Variants in FOXP1 observed in about 807,000 individuals in gnomAD.
FOXP1 encodes the protein forkhead box protein P1.
FOXP1 carries 15 observed loss-of-function variants against 98.2 expected under a neutral mutation model. The ratio of observed to expected loss-of-function variants is 0.15; its 90% CI spans 0.10 to 0.24. The LOEUF is 0.24. Ranked by LOEUF, FOXP1 falls within the 10% of genes least tolerant of loss-of-function variation. The pLI, the probability that FOXP1 is intolerant of heterozygous loss-of-function variation, is 1.00. For synonymous variants in FOXP1, 371 were observed against 314.5 expected (o/e 1.18, Z -1.90); for missense variants, 633 against 848.5 (o/e 0.75, Z 3.15).
intron 19 of FOXP1, chr3:70,969,706 C>G (rs559627399): frequency 6.6e-6 from 1 of 152,234 alleles, no homozygotes; most frequent in Admixed American, 6.5e-5. Context: ...CATATTTGCT[C>G]AAGTATTATG....
chr3:71,581,904 C>T lies in FOXP1; in HGVS notation c.-446-207G>A, dbSNP rs749231260. ...GGATCCAGAGACCGGGAAATCGGCC[C>T]GAGCCAAAGTCTCAGCACCTTCCCC... On this transcript the variant is annotated intron_variant, in intron 1 of 20. Transcript: ENST00000649528. The T allele has an allele frequency of 8.5e-5, 84 of 983,676 alleles. No homozygotes were observed. In the Middle Eastern group the frequency reaches 6.8e-3, roughly 80 times the overall value. 60.9% of individuals were successfully genotyped at this position (983,676 alleles called of 1,614,324 possible). A position where few individuals can be genotyped will look rare whatever the true frequency, so the allele number is the denominator to read the frequency against.
At chr3:71,037,305 C>T (rs2047723186) in intron 11 of FOXP1, among the ~76,000 whole-genome samples, 2 of 152,170 alleles carry the variant, frequency 1.3e-5, no homozygotes, top group Admixed American at 1.3e-4. Flanking sequence ...ATTTACATAG[C>T]TGCTTTGATC....
intron 3 of FOXP1, among the ~76,000 whole-genome samples, chr3:71,428,159 A>G (rs1032502903): frequency 7.9e-5 from 12 of 152,198 alleles, no homozygotes; most frequent in African/African-American, 2.7e-4. Context: ...AGACTGTCCC[A>G]TCTACATTCA....
intron 2 of FOXP1, chr3:71,572,780 G>C (rs76975241): frequency 6.6e-6 from 1 of 152,300 alleles, no homozygotes; most frequent in African/African-American, 2.4e-5. Flanking sequence ...CTTAAGCCGG[G>C]CTACAGGTAC....
intron 2 of FOXP1, among the ~76,000 whole-genome samples, chr3:71,544,454 G>A (rs2045190763): frequency 6.6e-6 from 1 of 151,480 alleles, no homozygotes; most frequent in Non-Finnish European, 1.5e-5. Context: ...GCTGATCGTG[G>A]AAGTACTACA....
intron 11 of FOXP1, among the ~76,000 whole-genome samples, chr3:71,036,545 G>C (rs2047618986): frequency 6.6e-6 from 1 of 152,170 alleles, no homozygotes; most frequent in Non-Finnish European, 1.5e-5. Context: ...GAGAAAAAAG[G>C]GAATATTTCT....
chr3:71,231,833 C>T (rs1171618747), intron 5 of FOXP1, among the ~76,000 whole-genome samples: 1 of 152,166 alleles, frequency 6.6e-6, no homozygotes, highest in Non-Finnish European at 1.5e-5. Context: ...GACCTAGATT[C>T]CTAGAAATTT....
chr3:71,131,709 G>A (rs1378655786), intron 6 of FOXP1, among the ~76,000 whole-genome samples: 2 of 152,210 alleles, frequency 1.3e-5, no homozygotes, highest in African/African-American at 2.4e-5. Flanking sequence ...AAATCCAGAC[G>A]CTGAAGATAA....
intron 7 of FOXP1, among the ~76,000 whole-genome samples, chr3:71,058,218 CTCTT>C (rs1466134513): frequency 6.6e-6 from 1 of 152,084 alleles, no homozygotes; most frequent in Non-Finnish European, 1.5e-5. Context: ...ATTTTCTTCT[CTCTT>C]CAGTTTACAC....
intron 5 of FOXP1, among the ~76,000 whole-genome samples, chr3:71,240,058 A>G (rs1010091469): frequency 6.6e-6 from 1 of 152,254 alleles, no homozygotes; most frequent in South Asian, 2.1e-4. Flanking sequence ...AGACTTTCAC[A>G]GTCCCAAGAA....
chr3:71,307,006 T>C (rs1296128729), intron 4 of FOXP1, among the ~76,000 whole-genome samples: 5 of 152,232 alleles, frequency 3.3e-5, no homozygotes, highest in Admixed American at 6.5e-5. Flanking sequence ...CAACTCACAC[T>C]GACCTCTTAT....
At chr3:71,525,866 A>G (rs1353389280) in intron 2 of FOXP1, among the ~76,000 whole-genome samples, 1 of 152,106 alleles carries the variant, frequency 6.6e-6, no homozygotes, top group African/African-American at 2.4e-5. Flanking sequence ...TTGTAATCCT[A>G]ACACTTTGGG....
At chr3:71,343,934 T>C (rs2077166719) in intron 4 of FOXP1, among the ~76,000 whole-genome samples, 1 of 152,194 alleles carries the variant, frequency 6.6e-6, no homozygotes, top group African/African-American at 2.4e-5. Context: ...GCAGGACTCT[T>C]TAAGAGCCGG....
chr3:70,971,898 C>A, intron 18 of FOXP1: 1 of 781,748 alleles, frequency 1.3e-6, no homozygotes, highest in Non-Finnish European at 1.8e-6. Flanking sequence ...AGTTTCGTTG[C>A]AGAAAGCTGT....
At chr3:71,155,883 C>T (rs2108097157) in intron 6 of FOXP1, among the ~76,000 whole-genome samples, 1 of 152,334 alleles carries the variant, frequency 6.6e-6, no homozygotes, top group South Asian at 2.1e-4. Flanking sequence ...CAAGACAGCC[C>T]CGCAGTGCAG....
intron 3 of FOXP1, among the ~76,000 whole-genome samples, chr3:71,361,787 G>A (rs2107915956): frequency 6.6e-6 from 1 of 152,288 alleles, no homozygotes; most frequent in Non-Finnish European, 1.5e-5. Context: ...GAGCCCTCAT[G>A]TTTATTTTCA....
At chr3:71,328,770 C>T (rs2076080363) in intron 4 of FOXP1, among the ~76,000 whole-genome samples, 1 of 151,996 alleles carries the variant, frequency 6.6e-6, no homozygotes, top group African/African-American at 2.4e-5. Context: ...GTTGGGAGTT[C>T]AAGACCAGCC....
intron 3 of FOXP1, among the ~76,000 whole-genome samples, chr3:71,463,140 A>T (rs2088312830): frequency 6.6e-6 from 1 of 152,078 alleles, no homozygotes; most frequent in African/African-American, 2.4e-5. Flanking sequence ...AGGCAGGCAG[A>T]TTGCTTAAGG....
chr3:71,073,408 C>A (rs948454461), intron 7 of FOXP1, among the ~76,000 whole-genome samples: 12 of 152,194 alleles, frequency 7.9e-5, no homozygotes, highest in Admixed American at 7.9e-4. Flanking sequence ...CAACAGCAAT[C>A]CCCCTTATCT....
Sources: gnomAD v4.1 joint callset for allele counts (sites outside exome capture counted in the v4.1 genomes callset) on GRCh38, gnomAD v4.1.1 for gene constraint, MANE v1.5 for transcripts, NCBI Gene and HGNC (gene_info 2026-07-23, HGNC 2026-07-21) for gene names.